Variants in SMAP2 observed in about 807,000 individuals in gnomAD.
SMAP2 encodes the protein small ArfGAP2.
Under a neutral mutation model 56.4 loss-of-function variants are expected in SMAP2, and 25 were observed. The observed-to-expected ratio is 0.44, with a 90% CI of 0.32 to 0.62. The LOEUF is 0.62. Ranked by LOEUF, SMAP2 falls within the 20% of genes least tolerant of loss-of-function variation. The pLI is 0.04. For synonymous variants in SMAP2, 157 were observed against 181.7 expected (o/e 0.86, Z 1.09); for missense variants, 388 against 545.6 (o/e 0.71, Z 2.88).
chr1:40,347,717 T>C lies in SMAP2; in HGVS notation c.-83+2807T>C, dbSNP rs75494097. Among the ~76,000 whole-genome samples the C allele has an allele frequency of 6.2e-3, 947 of 152,304 alleles. 3 individuals are homozygous for C. The highest frequency in any genetic ancestry group is 0.011 in the Non-Finnish European group (746 of 68,026). On this transcript the variant is annotated intron_variant, in intron 1 of 6. Transcript: ENST00000435168. ...TTTTTTTGTTGGAGGGTATTTTTAT[T>C]GGTTTATAGTATAGCATACACATTT...
In SMAP2 at chr1:40,366,316, G is replaced by A. The variant is rs1644481077; in HGVS notation, c.55+3880G>A. Among the ~76,000 whole-genome samples the A allele has an allele frequency of 2.1e-5, 3 of 146,098 alleles. No homozygotes were observed. In the South Asian group the frequency reaches 6.7e-4, roughly 32 times the overall value. Reference sequence around the variant, plus strand: ...CAGGAGAACTTCCCCAATTTAGCAAGGCAGGCCAACGTTCAGATTCAGGAA... The same window carrying A: ...CAGGAGAACTTCCCCAATTTAGCAAAGCAGGCCAACGTTCAGATTCAGGAA... On this transcript the variant is annotated intron_variant, in intron 2 of 6. Coordinates refer to the SMAP2 transcript ENST00000435168.
chr1:40,411,602 A>G (rs1221362040), intron 4 of SMAP2, among the ~76,000 whole-genome samples: 1 of 152,224 alleles, frequency 6.6e-6, no homozygotes, highest in Non-Finnish European at 1.5e-5. Context: ...AGAATTTGTT[A>G]TTTAATGTAC....
intron 1 of SMAP2, among the ~76,000 whole-genome samples, chr1:40,345,909 T>TATTAC (rs1644383978): frequency 7.0e-6 from 1 of 143,374 alleles, no homozygotes; most frequent in African/African-American, 2.5e-5. Flanking sequence ...TATTATATTA[T>TATTAC]ATTATATTAT....
At chr1:40,390,110 C>T (rs1319290371) in intron 1 of SMAP2, among the ~76,000 whole-genome samples, 1 of 152,150 alleles carries the variant, frequency 6.6e-6, no homozygotes, top group African/African-American at 2.4e-5. Flanking sequence ...AAGGGCAAAT[C>T]TCCATCTTTT....
chr1:40,422,135 A>G lies in SMAP2; in HGVS notation c.*34A>G, dbSNP rs764786619. On this transcript the variant is annotated 3_prime_UTR_variant, in exon 10 of 10. Coordinates refer to ENST00000372718, the MANE Select transcript of SMAP2 (RefSeq NM_022733.3). Reference sequence around the variant, plus strand: ...CACCTGTATGGCTGCCATTCTCTTCAGCCCTCGCTCTCCCCTTTCCACAGC... The same window carrying G: ...CACCTGTATGGCTGCCATTCTCTTCGGCCCTCGCTCTCCCCTTTCCACAGC... 6 of 1,611,482 alleles carry G rather than the reference A, an allele frequency of 3.7e-6. No homozygotes were observed. The highest frequency in any genetic ancestry group is 4.2e-6 in the Non-Finnish European group (5 of 1,179,180).
At chr1:40,420,017 A>G (rs1190599800) in intron 9 of SMAP2, among the ~76,000 whole-genome samples, 1 of 152,156 alleles carries the variant, frequency 6.6e-6, no homozygotes, top group Non-Finnish European at 1.5e-5. Flanking sequence ...AATCTTTGAT[A>G]CTTTTCTCTG....
intron 1 of SMAP2, among the ~76,000 whole-genome samples, chr1:40,394,480 A>C (rs1366570475): frequency 6.6e-6 from 1 of 152,142 alleles, no homozygotes; most frequent in South Asian, 2.1e-4. Flanking sequence ...AACGGAAGCA[A>C]CTGGGGGCTT....
intron 1 of SMAP2, among the ~76,000 whole-genome samples, chr1:40,361,142 A>T (rs1644458212): frequency 6.6e-6 from 1 of 152,212 alleles, no homozygotes; most frequent in Non-Finnish European, 1.5e-5. Context: ...TGCAACTTGG[A>T]TACCAGTTCA....
In SMAP2 at chr1:40,374,331, A is replaced by G. The variant is rs1022945757; in HGVS notation, c.103+108A>G. On this transcript the variant is annotated intron_variant, in intron 1 of 9. Transcript: ENST00000372718. This position sits in a 1 kb window ranked among gnomAD's most constrained non-coding sequence, Gnocchi z 5.9. Reference sequence around the variant, plus strand: ...GCTTAGGCCGCCCAACTCGGCTTATAAGTGGTAACGCGTGCTGCGCTTGCA... The same window carrying G: ...GCTTAGGCCGCCCAACTCGGCTTATGAGTGGTAACGCGTGCTGCGCTTGCA... The G allele has an allele frequency of 4.4e-6, 4 of 913,672 alleles. No individual in the cohort carries two copies. In the Admixed American group the frequency reaches 8.1e-5, roughly 19 times the overall value. 56.6% of individuals were successfully genotyped at this position (913,672 alleles called of 1,614,324 possible). A position where few individuals can be genotyped will look rare whatever the true frequency, so the allele number is the denominator to read the frequency against.
intron 1 of SMAP2, among the ~76,000 whole-genome samples, chr1:40,405,627 C>G (rs921089720): frequency 2.0e-5 from 3 of 152,206 alleles, no homozygotes; most frequent in Non-Finnish European, 4.4e-5. Flanking sequence ...CTTTTCACCT[C>G]TTTATTGCAT....
intron 7 of SMAP2, among the ~76,000 whole-genome samples, chr1:40,415,938 GGTT>G (rs1644982353): frequency 1.3e-5 from 2 of 152,256 alleles, no homozygotes; most frequent in Admixed American, 1.3e-4. Context: ...ATCATTTGTG[GGTT>G]GTTTTGTTTG....
intron 1 of SMAP2, among the ~76,000 whole-genome samples, chr1:40,380,241 C>G (rs1644583567): frequency 6.6e-6 from 1 of 152,188 alleles, no homozygotes; most frequent in Non-Finnish European, 1.5e-5. Context: ...TAAGCCAAAA[C>G]CATTTCCTAT....
At chr1:40,398,127 T>C (rs1417337297) in intron 1 of SMAP2, among the ~76,000 whole-genome samples, 1 of 152,156 alleles carries the variant, frequency 6.6e-6, no homozygotes, top group Admixed American at 6.5e-5. Context: ...TCAGAGAGGA[T>C]ATATAGAGAA....
In SMAP2 at chr1:40,346,054, A is replaced by G. The variant is rs1400064905; in HGVS notation, c.-83+1144A>G. ...GGTCTCAAATTCCTGAACTCAAGCA[A>G]TCCCACCTAGGCCTTCCAAAGTGCT... On this transcript the variant is annotated intron_variant, in intron 1 of 6. Coordinates refer to the SMAP2 transcript ENST00000435168. Among the ~76,000 whole-genome samples, 5 of 143,116 alleles carry G rather than the reference A, an allele frequency of 3.5e-5. No individual in the cohort carries two copies. The East Asian group carries it at 6.1e-4, about 17-fold the overall frequency. 93.9% of individuals were successfully genotyped at this position (143,116 alleles called of 152,430 possible). A position where few individuals can be genotyped will look rare whatever the true frequency, so the allele number is the denominator to read the frequency against.
intron 1 of SMAP2, among the ~76,000 whole-genome samples, chr1:40,348,765 ATTTCTTTC>A (rs556114015): frequency 2.1e-4 from 32 of 150,296 alleles, no homozygotes; most frequent in Non-Finnish European, 3.7e-4. Flanking sequence ...ATAAAATACT[ATTTCTTTC>A]TTTCTTTCTT....
chr1:40,346,822 C>T (rs1644387542), intron 1 of SMAP2, among the ~76,000 whole-genome samples: 1 of 151,472 alleles, frequency 6.6e-6, no homozygotes, highest in African/African-American at 2.4e-5. Context: ...ACTTCTTTTG[C>T]TGGTTTGATA....
At chr1:40,399,626 T>A (rs1231456710) in intron 1 of SMAP2, among the ~76,000 whole-genome samples, 3 of 150,398 alleles carry the variant, frequency 2.0e-5, no homozygotes, top group Non-Finnish European at 4.4e-5. Flanking sequence ...TGCCTGAGCC[T>A]GACAGCCCAA....
At chr1:40,406,087 T>C (rs1644883488) in intron 1 of SMAP2, among the ~76,000 whole-genome samples, 1 of 152,168 alleles carries the variant, frequency 6.6e-6, no homozygotes, top group African/African-American at 2.4e-5. Context: ...GCCATATCTA[T>C]CTTTTTTCCT....
Position 40,374,680 on chromosome 1 carries a change from A to G in SMAP2, c.103+457A>G. 1 of 1,549,792 alleles carries G rather than the reference A, an allele frequency of 6.5e-7. No individual in the cohort carries two copies. Among genetic ancestry groups the G allele is most frequent in the Non-Finnish European group, 8.7e-7 (1 of 1,146,846 alleles). On this transcript the variant is annotated intron_variant, in intron 1 of 9. Transcript: ENST00000372718. The surrounding 1 kb of genome is among the most constrained non-coding windows in gnomAD (Gnocchi z 5.9). The stretch of plus-strand genomic sequence containing the variant: ...AGGAGGAGGGAAGTGAGATGGCGGA[A>G]AGGAAAACTGCTTAAATGATTTTTA...
Sources: gnomAD v4.1 joint callset for allele counts (sites outside exome capture counted in the v4.1 genomes callset) on GRCh38, gnomAD v4.1.1 for gene constraint, Gnocchi (gnomAD v3.1) non-coding constraint, MANE v1.5 for transcripts, NCBI Gene and HGNC (gene_info 2026-07-23, HGNC 2026-07-21) for gene names.